The following GRID2 variants were observed in gnomAD, a reference collection of about 807,000 sequenced individuals.
The protein encoded by GRID2 is glutamate ionotropic receptor delta type subunit 2, also known as glutamate receptor ionotropic, delta-2.
GRID2 carries 33 observed loss-of-function variants against 114.8 expected under a neutral mutation model. The observed-to-expected ratio is 0.29, with a 90% CI of 0.22 to 0.38. The LOEUF is 0.38. GRID2 is among the 10% of genes least tolerant of loss of function. The pLI, the probability that GRID2 is intolerant of heterozygous loss-of-function variation, is 1.00. For synonymous variants in GRID2, 505 were observed against 449.9 expected, an observed-to-expected ratio of 1.12 and a Z score of -1.55; for missense variants, 1,184 against 1,257.7, an observed-to-expected ratio of 0.94 and a Z score of 0.89.
chr4:92,476,426 TTATC>T (rs1374333205), intron 1 of GRID2, among the ~76,000 whole-genome samples: 1 of 152,192 alleles, frequency 6.6e-6, no homozygotes, highest in African/African-American at 2.4e-5. Context: ...AGTAGATTCT[TTATC>T]TATAGAGGAT....
intron 4 of GRID2, 90 bp downstream of exon 4, chr4:93,111,043 G>C (rs1732717924): frequency 1.2e-6 from 1 of 802,530 alleles, no homozygotes; most frequent in Non-Finnish European, 2.1e-6. Context: ...ATTAAGAGCA[G>C]TGCGAGGGAA....
At chr4:92,953,969 T>C (rs1752207580) in intron 2 of GRID2, among the ~76,000 whole-genome samples, 1 of 152,140 alleles carries the variant, frequency 6.6e-6, no homozygotes, top group African/African-American at 2.4e-5. Context: ...AAATATTTAC[T>C]AAATATTTTG....
chr4:93,191,191 G>C (rs1177416183), intron 4 of GRID2, among the ~76,000 whole-genome samples: 2 of 151,978 alleles, frequency 1.3e-5, no homozygotes, highest in African/African-American at 4.8e-5. Flanking sequence ...ACAAAAAATA[G>C]CAAAACTCTA....
intron 1 of GRID2, among the ~76,000 whole-genome samples, chr4:92,578,107 CTTCTTCTTT>C (rs1485269014): frequency 3.7e-5 from 4 of 109,216 alleles, no homozygotes; most frequent in Admixed American, 8.9e-5. Context: ...TCTTCTTCTT[CTTCTTCTTT>C]TTCTTATTAT....
intron 1 of GRID2, among the ~76,000 whole-genome samples, chr4:92,447,345 A>G (rs139615452): frequency 7.9e-5 from 12 of 152,174 alleles, no homozygotes; most frequent in African/African-American, 2.9e-4. Flanking sequence ...CTATGGTAAC[A>G]CCTCCCAAGG....
At chr4:93,433,384 G>C (rs1321073356) in intron 10 of GRID2, among the ~76,000 whole-genome samples, 1 of 152,126 alleles carries the variant, frequency 6.6e-6, no homozygotes, top group African/African-American at 2.4e-5. Flanking sequence ...ACCTCAGAAA[G>C]CACATGTAAT....
chr4:93,252,894 C>T (rs901496840), intron 8 of GRID2, among the ~76,000 whole-genome samples: 1 of 151,784 alleles, frequency 6.6e-6, no homozygotes. Flanking sequence ...GGAAATATTC[C>T]AATGTTAGAT....
In GRID2 at chr4:93,260,405, A is replaced by G. The variant is rs200860002; in HGVS notation, c.1245+21915A>G. Among the ~76,000 whole-genome samples, 10 of 150,714 alleles carry G rather than the reference A, an allele frequency of 6.6e-5. No homozygotes were observed. In the South Asian group the frequency reaches 1.5e-3, roughly 22 times the overall value. On this transcript the variant is annotated intron_variant, in intron 8 of 15. Coordinates refer to ENST00000282020, the MANE Select transcript of GRID2 (RefSeq NM_001510.4). ...TAAACCCTGTAGTAAATATAAAAAA[A>G]AATATTAAAATAACAAGATAAATAT...
intron 11 of GRID2, among the ~76,000 whole-genome samples, chr4:93,488,928 AG>A (rs1726692862): frequency 1.3e-5 from 2 of 152,116 alleles, no homozygotes; most frequent in South Asian, 4.1e-4. Context: ...ACTTAGTTAA[AG>A]GTCCTATCTC....
At chr4:93,503,786 C>T (rs1728366749) in intron 12 of GRID2, among the ~76,000 whole-genome samples, 1 of 151,938 alleles carries the variant, frequency 6.6e-6, no homozygotes, top group Non-Finnish European at 1.5e-5. Context: ...ACTTTTATAT[C>T]AACTATACCA....
At chr4:93,004,189 A>G (rs1721278198) in intron 2 of GRID2, among the ~76,000 whole-genome samples, 1 of 151,752 alleles carries the variant, frequency 6.6e-6, no homozygotes, top group African/African-American at 2.4e-5. Context: ...TACAAGAAGC[A>G]CCTGTATTCT....
chr4:93,326,219 G>A (rs1757821067), intron 8 of GRID2, among the ~76,000 whole-genome samples: 1 of 152,206 alleles, frequency 6.6e-6, no homozygotes, highest in South Asian at 2.1e-4. Context: ...TGGAAATCAG[G>A]GGGCATGCCT....
chr4:92,845,068 G>A (rs544099694), intron 2 of GRID2, among the ~76,000 whole-genome samples: 14 of 152,080 alleles, frequency 9.2e-5, no homozygotes, highest in Admixed American at 2.0e-4. Context: ...ACAAATGTGC[G>A]GACAAGGAGG....
chr4:93,479,182 C>T (rs369843703), intron 11 of GRID2, among the ~76,000 whole-genome samples: 1 of 151,904 alleles, frequency 6.6e-6, no homozygotes, highest in Non-Finnish European at 1.5e-5. Flanking sequence ...ACCTAAAAAG[C>T]AATATACATA....
At chr4:92,815,914 C>CAAAAA (rs5860292) in intron 2 of GRID2, among the ~76,000 whole-genome samples, 10 of 46,860 alleles carry the variant, frequency 2.1e-4, no homozygotes, top group Non-Finnish European at 3.2e-4. Context: ...GACCCTGTCT[C>CAAAAA]AAAAAAAAAA....
At chr4:93,151,133 AAAAG>A (rs1449194902) in intron 4 of GRID2, among the ~76,000 whole-genome samples, 23 of 151,400 alleles carry the variant, frequency 1.5e-4, no homozygotes, top group African/African-American at 2.9e-4. Flanking sequence ...AAAAAAAAAA[AAAAG>A]AAAGAAAAAA....
intron 1 of GRID2, among the ~76,000 whole-genome samples, chr4:92,412,837 GTCT>G (rs1006801251): frequency 2.0e-5 from 3 of 152,122 alleles, no homozygotes; most frequent in Non-Finnish European, 2.9e-5. Flanking sequence ...TGTAGCAAAT[GTCT>G]TCTTCTCCTT....
chr4:92,457,055 A>C (rs557130206), intron 1 of GRID2, among the ~76,000 whole-genome samples: 1 of 152,120 alleles, frequency 6.6e-6, no homozygotes, highest in Non-Finnish European at 1.5e-5. Flanking sequence ...TACAACTGGC[A>C]TGAGCTTCTT....
chr4:93,311,373 G>A (rs1195067819), intron 8 of GRID2, among the ~76,000 whole-genome samples: 5 of 152,148 alleles, frequency 3.3e-5, no homozygotes, highest in Admixed American at 2.6e-4. Context: ...AGGCCTTGGT[G>A]TCAACTTGCT....
Sources: gnomAD v4.1 joint callset for allele counts (sites outside exome capture counted in the v4.1 genomes callset) on GRCh38, gnomAD v4.1.1 for gene constraint, MANE v1.5 for transcripts, NCBI Gene and HGNC (gene_info 2026-07-23, HGNC 2026-07-21) for gene names.